DNAH11: variants seen among roughly 807,000 people sequenced by gnomAD.
The protein encoded by DNAH11 is dynein axonemal heavy chain 11.
In DNAH11, 442 loss-of-function variants were observed where a neutral mutation model predicts 526.0. The observed-to-expected ratio is 0.84, with a 90% CI of 0.78 to 0.91. The LOEUF (loss-of-function observed/expected upper bound fraction) is 0.91, where lower values mean the gene tolerates loss of function less well. Ranked by LOEUF, DNAH11 falls within the 40% of genes least tolerant of loss-of-function variation. The pLI is 0.00. For missense variants in DNAH11, 6,989 were observed against 5,448.7 expected (o/e 1.28, Z -8.90); for synonymous variants, 2,461 against 1,935.9 (o/e 1.27, Z -7.12).
chr7:21,692,433 G>T (rs1009631708), intron 35 of DNAH11, among the ~76,000 whole-genome samples: 1 of 152,160 alleles, frequency 6.6e-6, no homozygotes, highest in Non-Finnish European at 1.5e-5. Flanking sequence ...CAATATGTAC[G>T]TTTTTGTGTC....
chr7:21,804,042 C>T (rs973320771), intron 62 of DNAH11, among the ~76,000 whole-genome samples: 133 of 152,262 alleles, frequency 8.7e-4, no homozygotes, highest in African/African-American at 3.0e-3. Context: ...GTACGTGTTT[C>T]GGGATGGCTA....
intron 65 of DNAH11, among the ~76,000 whole-genome samples, chr7:21,834,669 T>C (rs7793443): frequency 0.24 from 35,877 of 151,912 alleles, 5,546 homozygotes; most frequent in African/African-American, 0.43. Context: ...CCTATTTCTA[T>C]GAAAAATTTT....
intron 66 of DNAH11, among the ~76,000 whole-genome samples, chr7:21,843,823 G>T (rs1386127748): frequency 1.3e-5 from 2 of 152,078 alleles, no homozygotes; most frequent in Non-Finnish European, 2.9e-5. Flanking sequence ...TATTGAAATG[G>T]TGATGTGAAA....
intron 32 of DNAH11, among the ~76,000 whole-genome samples, chr7:21,684,180 A>C (rs755198852): frequency 6.6e-6 from 1 of 152,220 alleles, no homozygotes; most frequent in Non-Finnish European, 1.5e-5. Context: ...GTTATCTACA[A>C]CTAACTTTCT....
chr7:21,867,757 G>T, intron 71 of DNAH11, 102 bp from the exon 72 acceptor site: 2 of 1,057,314 alleles, frequency 1.9e-6, no homozygotes, highest in Non-Finnish European at 2.8e-6. Context: ...AATAAACCTG[G>T]TTACTTCTAT....
intron 55 of DNAH11, among the ~76,000 whole-genome samples, chr7:21,766,893 T>C (rs1787207481): frequency 6.6e-6 from 1 of 152,160 alleles, no homozygotes; most frequent in Non-Finnish European, 1.5e-5. Context: ...GGAAGATATA[T>C]ATATGGTAGA....
At chr7:21,805,337 A>G (rs2127995315) in intron 62 of DNAH11, among the ~76,000 whole-genome samples, 1 of 152,208 alleles carries the variant, frequency 6.6e-6, no homozygotes, top group Non-Finnish European at 1.5e-5. Flanking sequence ...CAAGAACAGG[A>G]AACTTCACCA....
At position 21,845,196 on chromosome 7, in the gene DNAH11, G is replaced by T. The variant is rs137874314; in HGVS notation, c.10896+2448G>T. On this transcript the variant is annotated intron_variant, in intron 66 of 81. Coordinates refer to ENST00000409508, the MANE Select transcript of DNAH11 (RefSeq NM_001277115.2). ...GCTGTCTTTTCACTTTCTTGTTGGT[G>T]TCCTTTGAAGCACAAAAGTTTTTAA... Among the ~76,000 whole-genome samples the T allele has an allele frequency of 9.5e-3, 1,449 of 152,126 alleles. 8 individuals are homozygous for T. The highest frequency in any genetic ancestry group is 0.015 in the Admixed American group (228 of 15,280).
chr7:21,882,592 T>G (rs1783963110), intron 75 of DNAH11, among the ~76,000 whole-genome samples: 1 of 152,076 alleles, frequency 6.6e-6, no homozygotes, highest in Non-Finnish European at 1.5e-5. Context: ...GTCCAGAAGT[T>G]CGACACCAGC....
intron 35 of DNAH11, among the ~76,000 whole-genome samples, chr7:21,691,087 A>G (rs1783597250): frequency 6.6e-6 from 1 of 152,218 alleles, no homozygotes; most frequent in African/African-American, 2.4e-5. Context: ...ATCAGTATTT[A>G]AAAGTTACGT....
chr7:21,863,691 T>TC (rs1033022076), intron 69 of DNAH11, among the ~76,000 whole-genome samples: 17 of 152,168 alleles, frequency 1.1e-4, no homozygotes, highest in African/African-American at 3.6e-4. Context: ...ATTTAAAACT[T>TC]CCCCTTGGAA....
In DNAH11 at chr7:21,635,994, A is replaced by G. The variant is rs749457758; in HGVS notation, c.4624A>G (p.Thr1542Ala). ...CTTCACTTGGATGGAAGTCCAGCGA[A>G]CTTGGTCTCACCTGGAAAGCATTTT... ...VIFTWMEVQR[T>A]WSHLESIFVC... is the part of the protein sequence containing the mutation. Residue 1542 changes from threonine to alanine, a missense_variant, in exon 26 of 82, where the codon ACT (threonine) becomes GCT (alanine). By Grantham distance (58) the Thr-to-Ala change is moderately conservative. Transcript: ENST00000409508. The G allele has an allele frequency of 9.3e-6, 15 of 1,613,668 alleles. No homozygotes were observed. In the African/African-American group the frequency reaches 1.6e-4, roughly 17 times the overall value.
intron 42 of DNAH11, 99 bp downstream of exon 42, chr7:21,711,959 C>T (rs1311753746): frequency 2.4e-5 from 32 of 1,341,372 alleles, no homozygotes; most frequent in Non-Finnish European, 4.1e-6. Context: ...TGTTGCACAG[C>T]TGTCACCACC....
At chr7:21,886,501 CAG>C (rs1203725663) in intron 76 of DNAH11, among the ~76,000 whole-genome samples, 1 of 152,112 alleles carries the variant, frequency 6.6e-6, no homozygotes, top group Non-Finnish European at 1.5e-5. Flanking sequence ...TTTCACATGT[CAG>C]AGAGAGACTT....
At chr7:21,797,887 A>G (rs1178067465) in intron 61 of DNAH11, among the ~76,000 whole-genome samples, 1 of 152,212 alleles carries the variant, frequency 6.6e-6, no homozygotes, top group East Asian at 1.9e-4. Flanking sequence ...TGATATTTGC[A>G]CACCAAGCTA....
intron 74 of DNAH11, among the ~76,000 whole-genome samples, chr7:21,880,345 A>C (rs901522938): frequency 6.6e-6 from 1 of 152,210 alleles, no homozygotes; most frequent in Non-Finnish European, 1.5e-5. Flanking sequence ...ATTCTACTAC[A>C]GTGATGAAAT....
chr7:21,606,901 TC>T (rs1785311544), intron 20 of DNAH11, among the ~76,000 whole-genome samples, 168 bp downstream of exon 20: 1 of 152,228 alleles, frequency 6.6e-6, no homozygotes, highest in Admixed American at 6.5e-5. Context: ...GTATTGTATT[TC>T]AAATCATGCC....
intron 30 of DNAH11, among the ~76,000 whole-genome samples, chr7:21,670,699 T>C (rs1197677315): frequency 6.6e-6 from 1 of 152,178 alleles, no homozygotes; most frequent in Non-Finnish European, 1.5e-5. Flanking sequence ...GGAAAATCCT[T>C]TCCATTACCA....
chr7:21,824,397 A>G (rs545072688), intron 65 of DNAH11, among the ~76,000 whole-genome samples: 46 of 152,316 alleles, frequency 3.0e-4, no homozygotes, highest in African/African-American at 9.9e-4. Flanking sequence ...AGTCTAACAG[A>G]CAGGACATAG....
Sources: gnomAD v4.1 joint callset for allele counts (sites outside exome capture counted in the v4.1 genomes callset) on GRCh38, gnomAD v4.1.1 for gene constraint, MANE v1.5 for transcripts, NCBI Gene and HGNC (gene_info 2026-07-23, HGNC 2026-07-21) for gene names.